DMD: variants seen among roughly 807,000 people sequenced by gnomAD.
DMD encodes dystrophin.
Under a neutral mutation model 330.1 loss-of-function variants are expected in DMD, and 63 were observed. The ratio of observed to expected loss-of-function variants is 0.19; its 90% CI spans 0.16 to 0.24. The LOEUF (loss-of-function observed/expected upper bound fraction) is 0.24, where lower values mean the gene tolerates loss of function less well. Among genes scored for constraint, DMD ranks in the 10% least tolerant of loss-of-function variants. The pLI is 1.00. For synonymous variants in DMD, 1,223 were observed against 959.8 expected (o/e 1.27, Z -5.07); for missense variants, 3,344 against 2,684.1 (o/e 1.25, Z -5.43).
At chrX:32,777,872 G>A (rs113084312) in intron 7 of DMD, among the ~76,000 whole-genome samples, 3,692 of 112,033 alleles carry the variant, frequency 0.033, 161 homozygotes, top group African/African-American at 0.11. Flanking sequence ...TGTGCACATC[G>A]CTGCTCAATT....
In DMD at chrX:32,666,258, T is replaced by A. The variant is rs961973568; in HGVS notation, c.961-21106A>T. On this transcript the variant is annotated intron_variant, in intron 9 of 78. Transcript: ENST00000357033. ...AGAACGTGCAGGTTTGTTACATAAATATACATGTGCTATAGTGGTTTGCTG... is the reference window on the plus strand; with the variant it reads ...AGAACGTGCAGGTTTGTTACATAAAAATACATGTGCTATAGTGGTTTGCTG... Among the ~76,000 whole-genome samples, 5 of 110,860 alleles carry A rather than the reference T, an allele frequency of 4.5e-5. 1 individual carries two copies. The highest frequency in any genetic ancestry group is 7.5e-5 in the Non-Finnish European group (4 of 52,987).
chrX:31,350,296 G>A (rs146669486), intron 60 of DMD, among the ~76,000 whole-genome samples: 262 of 111,342 alleles, frequency 2.4e-3, no homozygotes, highest in African/African-American at 8.3e-3. Flanking sequence ...TGCTGTTAGT[G>A]TTTATATGTT....
At chrX:32,881,925 G>A (rs1216171285) in intron 2 of DMD, among the ~76,000 whole-genome samples, 1 of 111,788 alleles carries the variant, frequency 8.9e-6, no homozygotes, top group African/African-American at 3.2e-5. Context: ...CAAGCCTGGA[G>A]GAGGGACAAA....
Position 31,209,567 on chromosome X carries a change from T to C in DMD, c.9494A>G (p.His3165Arg). 8.3e-7 allele frequency: 1 copy of C among 1,211,556 alleles called. No homozygotes were observed. The highest frequency in any genetic ancestry group is 1.1e-6 in the Non-Finnish European group (1 of 895,375). The change falls in exon 65 of 79, where the codon CAC becomes CGC. Residue 3165 changes from histidine (H) to arginine (R), a missense_variant. By Grantham distance (29) the His-to-Arg change is conservative. Transcript: ENST00000357033. ...TTIYDRLEQE[H>R]NNLVNVPLCV... ...GAGAGGGACGTTGACCAAATTGTTG[T>C]GCTCTTGCTCCAGGCGGTCATAAAT...
At chrX:31,891,650 T>C (rs888541344) in intron 47 of DMD, among the ~76,000 whole-genome samples, 1 of 112,174 alleles carries the variant, frequency 8.9e-6, no homozygotes, top group Non-Finnish European at 1.9e-5. Flanking sequence ...CGTTTATGTG[T>C]AGTTACGTAT....
chrX:32,513,137 C>T (rs1326655888), intron 18 of DMD, among the ~76,000 whole-genome samples: 1 of 111,378 alleles, frequency 9.0e-6, no homozygotes, highest in African/African-American at 3.3e-5. Context: ...TAGCGTGTCC[C>T]TGTATGATGC....
intron 44 of DMD, among the ~76,000 whole-genome samples, chrX:32,082,243 G>A (rs754612334): frequency 9.0e-6 from 1 of 110,916 alleles, no homozygotes; most frequent in Non-Finnish European, 1.9e-5. Flanking sequence ...TTTTGTTTTC[G>A]AGACAGGATC....
At chrX:32,641,787 A>G (rs2059480948) in intron 11 of DMD, among the ~76,000 whole-genome samples, 1 of 111,003 alleles carries the variant, frequency 9.0e-6, no homozygotes, top group Admixed American at 9.7e-5. Context: ...GACTGGATCT[A>G]TCCAAACCCT....
At chrX:32,998,968 T>A (rs188059780) in intron 2 of DMD, among the ~76,000 whole-genome samples, 4 of 111,893 alleles carry the variant, frequency 3.6e-5, no homozygotes, top group Non-Finnish European at 7.5e-5. Context: ...TTAGGACACT[T>A]TTCCAATAAT....
At chrX:32,342,735 A>G in intron 40 of DMD, 1 of 287,915 alleles carries the variant, frequency 3.5e-6, no homozygotes, top group Non-Finnish European at 6.3e-6. Context: ...ACATATTTAG[A>G]CAATATGCAA....
At chrX:31,709,998 C>T (rs1246151884) in intron 52 of DMD, among the ~76,000 whole-genome samples, 1 of 111,559 alleles carries the variant, frequency 9.0e-6, no homozygotes, top group Non-Finnish European at 1.9e-5. Context: ...TAGCTATCTG[C>T]AAAAATAAAC....
intron 50 of DMD, among the ~76,000 whole-genome samples, chrX:31,781,322 G>T (rs2090998548): frequency 8.9e-6 from 1 of 111,952 alleles, no homozygotes; most frequent in Non-Finnish European, 1.9e-5. Flanking sequence ...AGGACATCAG[G>T]TATCTTTCTT....
At chrX:31,772,303 G>A (rs1272642970) in intron 51 of DMD, among the ~76,000 whole-genome samples, 1 of 111,831 alleles carries the variant, frequency 8.9e-6, no homozygotes, top group Non-Finnish European at 1.9e-5. Flanking sequence ...TTGGGCTCAG[G>A]TAGGCAGAAT....
chrX:32,854,141 G>T (rs1384544956), intron 2 of DMD, among the ~76,000 whole-genome samples: 1 of 111,268 alleles, frequency 9.0e-6, no homozygotes, highest in Admixed American at 9.6e-5. Flanking sequence ...GACGTCATCA[G>T]GCAAAAAGTC....
chrX:33,259,107 G>A (rs1016433547), intron 1 of DMD, among the ~76,000 whole-genome samples: 2 of 111,134 alleles, frequency 1.8e-5, no homozygotes, highest in African/African-American at 3.3e-5. Flanking sequence ...TTTACTGTGC[G>A]TTTAAAAAAT....
chrX:31,178,776 A>G lies in DMD; in HGVS notation c.10116T>C (p.Phe3372=), dbSNP rs924335637. The stretch of plus-strand genomic sequence containing the variant: ...GAAATTTGTTTTTTAGTACCTTGGC[A>G]AAGTCTCGAACATCTTCTCCTGATG... ...PTTSGEDVRD[F]AKVLKNKFRT... Residue 3372 remains phenylalanine (F), a synonymous_variant, in exon 70 of 79, where the codon TTT becomes TTC. Coordinates refer to ENST00000357033, the MANE Select transcript of DMD (RefSeq NM_004006.3). 1.7e-6 allele frequency: 2 copies of G among 1,209,598 alleles called. No homozygotes were observed. Among genetic ancestry groups the G allele is most frequent in the Non-Finnish European group, 2.2e-6 (2 of 894,641 alleles).
chrX:31,640,442 A>AT (rs1226284026), intron 54 of DMD, among the ~76,000 whole-genome samples: 1 of 112,325 alleles, frequency 8.9e-6, no homozygotes, highest in East Asian at 2.8e-4. Flanking sequence ...TTTTGTTATG[A>AT]TTTTTTATAA....
At chrX:32,051,135 C>T (rs2096111048) in intron 44 of DMD, among the ~76,000 whole-genome samples, 1 of 109,559 alleles carries the variant, frequency 9.1e-6, no homozygotes, top group Admixed American at 9.9e-5. Context: ...CTCTTGATCA[C>T]ACCCACAATT....
intron 2 of DMD, among the ~76,000 whole-genome samples, chrX:32,890,702 A>G (rs1417607084): frequency 3.6e-5 from 4 of 112,004 alleles, no homozygotes; most frequent in African/African-American, 1.3e-4. Context: ...AGAACGTTTT[A>G]TCATGATCTG....
Sources: allele counts gnomAD v4.1 joint callset (sites outside exome capture counted in the v4.1 genomes callset), GRCh38; gene constraint gnomAD v4.1.1; transcripts MANE v1.5; gene names NCBI Gene and HGNC (gene_info 2026-07-23, HGNC 2026-07-21).